EGFL7: variants seen among roughly 807,000 people sequenced by gnomAD.
EGFL7 encodes the protein EGF like domain multiple 7.
In EGFL7, 48 loss-of-function variants were observed where a neutral mutation model predicts 37.1. That is an observed-to-expected ratio of 1.29 (90% CI 1.03 to 1.65). The LOEUF is 1.65. Among genes scored for constraint, EGFL7 ranks in the 40% most tolerant of loss-of-function variants. The pLI, the probability that EGFL7 is intolerant of heterozygous loss-of-function variation, is 0.00. For synonymous variants in EGFL7, 180 were observed against 156.8 expected (o/e 1.15, Z -1.10); for missense variants, 384 against 378.9 (o/e 1.01, Z -0.11).
chr9:136,669,960 T>C lies in EGFL7; in HGVS notation c.360T>C (p.Pro120=), dbSNP rs772645795. The C allele has an allele frequency of 4.4e-6, 7 of 1,605,490 alleles. No individual in the cohort carries two copies. The highest frequency in any genetic ancestry group is 1.7e-4 in the Middle Eastern group (1 of 5,878). The part of the protein sequence containing the change: ...PCRNGGSCVQ[P]GRCRCPAGWR... ...GGAACGGAGGGAGCTGTGTCCAGCC[T>C]GGCCGCTGCCGCTGCCCTGCAGGAT... The change falls in exon 7 of 11, where the codon CCT becomes CCC. Residue 120 remains proline (P), a synonymous_variant. Transcript: ENST00000308874.
At chr9:136,671,799 C>G (rs2119160526) in intron 9 of EGFL7, 127 bp from the exon 10 acceptor site, 1 of 1,289,828 alleles carries the variant, frequency 7.8e-7, no homozygotes, top group East Asian at 2.6e-5. Context: ...CTAGTGGACA[C>G]TTGGAGCCCT....
Position 136,670,133 on chromosome 9 carries a change from C to T in EGFL7, c.410-36C>T, listed in dbSNP as rs376019212. The T allele has an allele frequency of 1.6e-5, 26 of 1,612,088 alleles. No homozygotes were observed. In the African/African-American group the frequency reaches 1.9e-4, roughly 12 times the overall value. On this transcript the variant is annotated intron_variant, in intron 7 of 10. Coordinates refer to ENST00000308874, the MANE Select transcript of EGFL7 (RefSeq NM_016215.5). ...GGAGCTGTGTGGGCAGGACCCCTCCCGCAGGCATGGCCGCCTGACACCCCG... is the reference window on the plus strand; with the variant it reads ...GGAGCTGTGTGGGCAGGACCCCTCCTGCAGGCATGGCCGCCTGACACCCCG...
chr9:136,670,921 C>T lies in EGFL7; in HGVS notation c.572-29C>T, dbSNP rs369480085. The T allele has an allele frequency of 6.2e-5, 96 of 1,542,448 alleles. No homozygotes were observed. The South Asian group carries it at 6.9e-4, about 11-fold the overall frequency. Reference sequence around the variant, plus strand: ...GGGTGTGGGTGGGGAGCCGGCCGGCCGTGACCCAGCGCCTGGCTCTGCCCG... The same window carrying T: ...GGGTGTGGGTGGGGAGCCGGCCGGCTGTGACCCAGCGCCTGGCTCTGCCCG... On this transcript the variant is annotated intron_variant, in intron 8 of 10. Transcript: ENST00000308874.
At chr9:136,668,519 C>G in intron 4 of EGFL7, 38 bp from the exon 5 acceptor site, 2 of 1,592,184 alleles carry the variant, frequency 1.3e-6, no homozygotes, top group South Asian at 1.1e-5. Flanking sequence ...GGGTCCTGCT[C>G]TGGGACTCCT....
chr9:136,670,085 C>T, intron 7 of EGFL7, 76 bp downstream of exon 7: 2 of 1,603,128 alleles, frequency 1.2e-6, no homozygotes, highest in South Asian at 2.2e-5. Context: ...TTACTGCTGG[C>T]CCATGAGTGG....
chr9:136,661,916 C>G (rs1845169313), upstream of EGFL7, among the ~76,000 whole-genome samples: 1 of 152,202 alleles, frequency 6.6e-6, no homozygotes, highest in African/African-American at 2.4e-5. Context: ...TCACACCCCA[C>G]GGACAGCGGG....
In EGFL7 at chr9:136,666,499, G is replaced by A. The variant is rs1241061527; in HGVS notation, c.-43+1714G>A. ...GGTCGAGGCCGTGGCCCCCCCCGGG[G>A]AAATGGGGCTTGCAGCACCGGCTCG... On this transcript the variant is annotated intron_variant, in intron 3 of 10. Coordinates refer to ENST00000308874, the MANE Select transcript of EGFL7 (RefSeq NM_016215.5). This position sits in a 1 kb window ranked among gnomAD's most constrained non-coding sequence, Gnocchi z 6.8. Among the ~76,000 whole-genome samples the A allele has an allele frequency of 6.6e-6, 1 of 152,180 alleles. No individual in the cohort carries two copies. The highest frequency in any genetic ancestry group is 1.5e-5 in the Non-Finnish European group (1 of 68,006).
intron 2 of EGFL7, among the ~76,000 whole-genome samples, chr9:136,663,945 G>A (rs938161213): frequency 4.6e-5 from 7 of 152,244 alleles, no homozygotes; most frequent in Admixed American, 3.9e-4. Flanking sequence ...GCCTCTTCCA[G>A]ACTCAGGCAG....
rs199742093 is a variant in EGFL7 at position 136,668,390 on chromosome 9, T to C, written c.80+28T>C. The C allele has an allele frequency of 3.5e-4, 541 of 1,559,920 alleles. 2 individuals are homozygous for C. The African/African-American group carries it at 6.8e-3, about 20-fold the overall frequency. On this transcript the variant is annotated intron_variant, in intron 4 of 10. Coordinates refer to ENST00000308874, the MANE Select transcript of EGFL7 (RefSeq NM_016215.5). ...GAGCCAAGCCCTAGCCTGGGAGTGCTGGGGTGGGGGGACCGGGAGCCCTCA... is the reference window on the plus strand; with the variant it reads ...GAGCCAAGCCCTAGCCTGGGAGTGCCGGGGTGGGGGGACCGGGAGCCCTCA...
Position 136,671,027 on chromosome 9 carries a change from TGGGGGGG to T in EGFL7, c.636+22_636+28del, listed in dbSNP as rs57311093. On this transcript the variant is annotated intron_variant, in intron 9 of 10. Coordinates refer to ENST00000308874, the MANE Select transcript of EGFL7 (RefSeq NM_016215.5). ...CCTGCTGGAGGAGGTGAGGCATTGG[TGGGGGGG>T]GGGGGGGGCAGGCAGTCCAGGGTGG... The T allele has an allele frequency of 1.0e-3, 657 of 658,070 alleles. No homozygotes were observed. Among genetic ancestry groups the T allele is most frequent in the East Asian group, 5.0e-3 (62 of 12,354 alleles). 40.8% of individuals were successfully genotyped at this position (658,070 alleles called of 1,614,324 possible).
Position 136,663,451 on chromosome 9 carries a change from C to T in EGFL7, c.-309C>T, listed in dbSNP as rs1024643539. On this transcript the variant is annotated 5_prime_UTR_variant, in exon 2 of 11. Coordinates refer to ENST00000308874, the MANE Select transcript of EGFL7 (RefSeq NM_016215.5). ...CAGCAAAGTTCAGCTTGGCTGGGCCCGCTGTGAGGGGCTTCGCGCTACGCC... is the reference window on the plus strand; with the variant it reads ...CAGCAAAGTTCAGCTTGGCTGGGCCTGCTGTGAGGGGCTTCGCGCTACGCC... 1.3e-5 allele frequency: 2 copies of T among 152,342 alleles called. No homozygotes were observed. The highest frequency in any genetic ancestry group is 6.5e-5 in the Admixed American group (1 of 15,288). The allele number at this position is 152,342 out of a possible 1,614,324, so 9.4% of individuals were successfully genotyped here. A position where few individuals can be genotyped will look rare whatever the true frequency, so the allele number is the denominator to read the frequency against.
chr9:136,671,808 C>T, intron 9 of EGFL7, 118 bp from the exon 10 acceptor site: 1 of 1,339,424 alleles, frequency 7.5e-7, no homozygotes, highest in South Asian at 1.6e-5. Flanking sequence ...ACTTGGAGCC[C>T]TGCCGCGGAG....
chr9:136,667,625 T>C (rs540623453), intron 3 of EGFL7, among the ~76,000 whole-genome samples: 2 of 152,274 alleles, frequency 1.3e-5, no homozygotes, highest in African/African-American at 4.8e-5. Flanking sequence ...ATTGCACACA[T>C]ATCCCAGCCT....
intron 4 of EGFL7, 75 bp from the exon 5 acceptor site, chr9:136,668,481 GC>G (rs1265696186): frequency 1.1e-5 from 17 of 1,550,454 alleles, no homozygotes; most frequent in African/African-American, 1.4e-5. Flanking sequence ...TGAGGGTCCT[GC>G]CCCGGCCACA....
intron 4 of EGFL7, 37 bp from the exon 5 acceptor site, chr9:136,668,520 T>TG: frequency 6.3e-7 from 1 of 1,592,748 alleles, no homozygotes; most frequent in Non-Finnish European, 8.6e-7. Flanking sequence ...GGTCCTGCTC[T>TG]GGGACTCCTG....
chr9:136,664,743 G>A lies in EGFL7; in HGVS notation c.-85G>A, dbSNP rs1040971378. On this transcript the variant is annotated 5_prime_UTR_variant, in exon 3 of 11. Transcript: ENST00000308874. ...GTGGCCCCCACCACCCGGAGGAGCA[G>A]CTCCTGCCCCTGTCCGGGGGATGAC... 6.6e-6 allele frequency: 1 copy of A among 152,384 alleles called. No individual in the cohort carries two copies. Among genetic ancestry groups the A allele is most frequent in the African/African-American group, 2.4e-5 (1 of 41,476 alleles). The allele number at this position is 152,384 out of a possible 1,614,324, so 9.4% of individuals were successfully genotyped here.
chr9:136,670,073 G>T, intron 7 of EGFL7, 64 bp downstream of exon 7: 1 of 1,599,404 alleles, frequency 6.3e-7, no homozygotes, highest in Admixed American at 1.7e-5. Flanking sequence ...CATGTCCTGG[G>T]GTTACTGCTG....
chr9:136,668,672 C>T lies in EGFL7; in HGVS notation c.196C>T (p.Arg66Ter), dbSNP rs746734078. 1.1e-5 allele frequency: 18 copies of T among 1,600,002 alleles called. No individual in the cohort carries two copies. Among genetic ancestry groups the T allele is most frequent in the East Asian group, 4.5e-5 (2 of 44,874 alleles). Residue 66 changes from arginine (R) to a stop codon, truncating the protein, a stop_gained and splice_region_variant, in exon 5 of 11, where the codon CGA becomes TGA. Coordinates refer to ENST00000308874, the MANE Select transcript of EGFL7 (RefSeq NM_016215.5). LOFTEE classifies it high-confidence loss of function. ...CDGHRACSTY[R>*]TIYRTAYRRS... ...CGGGCACCGGGCCTGCAGCACCTAC[C>T]GGTGAGTGCCCCACCACACCGAGCT...
intron 9 of EGFL7, 23 bp downstream of exon 9, chr9:136,671,037 G>GCC: frequency 2.9e-6 from 4 of 1,361,056 alleles, no homozygotes; most frequent in Non-Finnish European, 3.9e-6. Flanking sequence ...TGGGGGGGGG[G>GCC]GGGGGCAGGC....
Sources: allele counts gnomAD v4.1 joint callset (sites outside exome capture counted in the v4.1 genomes callset), GRCh38; gene constraint gnomAD v4.1.1; non-coding constraint Gnocchi (gnomAD v3.1); transcripts MANE v1.5; gene names NCBI Gene and HGNC (gene_info 2026-07-23, HGNC 2026-07-21).